Variants in ST6GALNAC3 observed in about 807,000 individuals in gnomAD.
ST6GALNAC3 encodes ST6 N-acetylgalactosaminide alpha-2,6-sialyltransferase 3.
In ST6GALNAC3, 25 loss-of-function variants were observed where a neutral mutation model predicts 32.7. The ratio of observed to expected loss-of-function variants is 0.76; its 90% CI spans 0.56 to 1.07. The LOEUF is 1.07. Among genes scored for constraint, ST6GALNAC3 ranks in the 50% least tolerant of loss-of-function variants. ST6GALNAC3 has a pLI of 0.00. For missense variants in ST6GALNAC3, 355 were observed against 382.4 expected (o/e 0.93, Z 0.60); for synonymous variants, 129 against 133.1 (o/e 0.97, Z 0.21).
chr1:76,607,438 T>C (rs974528542), intron 3 of ST6GALNAC3, among the ~76,000 whole-genome samples: 3 of 152,140 alleles, frequency 2.0e-5, no homozygotes, highest in Admixed American at 2.0e-4. Flanking sequence ...TGTAATCATA[T>C]AATTGGTTCC....
At chr1:76,220,778 C>T (rs185268343) in intron 1 of ST6GALNAC3, among the ~76,000 whole-genome samples, 9 of 152,274 alleles carry the variant, frequency 5.9e-5, no homozygotes, top group Non-Finnish European at 1.5e-5. Context: ...GGCAGCCAGC[C>T]ATGGTGTTAT....
At chr1:76,185,371 T>A (rs1360513292) in intron 1 of ST6GALNAC3, among the ~76,000 whole-genome samples, 1 of 152,186 alleles carries the variant, frequency 6.6e-6, no homozygotes, top group Admixed American at 6.5e-5. Flanking sequence ...CATTACATTA[T>A]GTTTAATGTG....
At chr1:76,620,647 T>A (rs114086493) in intron 3 of ST6GALNAC3, among the ~76,000 whole-genome samples, 1,661 of 152,090 alleles carry the variant, frequency 0.011, 18 homozygotes, top group East Asian at 0.031. Context: ...ATCCCCGTAA[T>A]CTCATCATAT....
intron 2 of ST6GALNAC3, among the ~76,000 whole-genome samples, chr1:76,364,045 T>C (rs1014654499): frequency 2.0e-5 from 3 of 152,318 alleles, no homozygotes; most frequent in African/African-American, 7.2e-5. Context: ...TTATTGTAGA[T>C]TGTTATTCTC....
At chr1:76,561,898 C>G (rs1570276778) in intron 3 of ST6GALNAC3, among the ~76,000 whole-genome samples, 1 of 152,260 alleles carries the variant, frequency 6.6e-6, no homozygotes, top group East Asian at 1.9e-4. Flanking sequence ...GTATGAGGTC[C>G]ATACAATCTA....
chr1:76,339,767 G>A (rs1647804445), intron 2 of ST6GALNAC3, among the ~76,000 whole-genome samples: 1 of 151,930 alleles, frequency 6.6e-6, no homozygotes, highest in African/African-American at 2.4e-5. Flanking sequence ...TCTAGTGACA[G>A]GAGACTGATA....
At chr1:76,536,415 A>G (rs1401300695) in intron 3 of ST6GALNAC3, among the ~76,000 whole-genome samples, 2 of 152,090 alleles carry the variant, frequency 1.3e-5, no homozygotes, top group African/African-American at 4.8e-5. Context: ...AAGCAAACAT[A>G]TCCTTCACAT....
chr1:76,077,823 C>G (rs955265234), intron 1 of ST6GALNAC3, among the ~76,000 whole-genome samples: 1 of 152,114 alleles, frequency 6.6e-6, no homozygotes, highest in Admixed American at 6.5e-5. Flanking sequence ...GCCTTTAGCT[C>G]AAAATAATCA....
At chr1:76,531,572 T>C (rs1284574708) in intron 3 of ST6GALNAC3, among the ~76,000 whole-genome samples, 1 of 152,232 alleles carries the variant, frequency 6.6e-6, no homozygotes, top group Non-Finnish European at 1.5e-5. Flanking sequence ...AAGGTCATTT[T>C]AGGAGTAATT....
Position 76,501,994 on chromosome 1 carries a change from C to T in ST6GALNAC3, c.623+89577C>T, listed in dbSNP as rs138970920. On this transcript the variant is annotated intron_variant, in intron 3 of 4. Coordinates refer to ENST00000328299, the MANE Select transcript of ST6GALNAC3 (RefSeq NM_152996.4). ...ACGGCTGCAGCAGCATCAAGCATCACATACTCCCACAATCCACTTTCAAAG... is the reference window on the plus strand; with the variant it reads ...ACGGCTGCAGCAGCATCAAGCATCATATACTCCCACAATCCACTTTCAAAG... 2.6e-5 allele frequency among the ~76,000 whole-genome samples: 4 copies of T among 152,340 alleles called. No homozygotes were observed. In the East Asian group the frequency reaches 7.7e-4, roughly 29 times the overall value.
At chr1:76,343,638 G>C (rs1648250545) in intron 2 of ST6GALNAC3, among the ~76,000 whole-genome samples, 1 of 152,218 alleles carries the variant, frequency 6.6e-6, no homozygotes, top group South Asian at 2.1e-4. Context: ...CCCAAGGTCA[G>C]AAGAAATTCC....
intron 3 of ST6GALNAC3, among the ~76,000 whole-genome samples, chr1:76,575,490 G>C (rs1391649628): frequency 6.6e-6 from 1 of 152,078 alleles, no homozygotes; most frequent in African/African-American, 2.4e-5. Flanking sequence ...AGCAGAATAT[G>C]GGTGGATTTG....
intron 1 of ST6GALNAC3, among the ~76,000 whole-genome samples, chr1:76,190,714 T>C (rs1310868830): frequency 1.3e-5 from 2 of 152,182 alleles, no homozygotes; most frequent in Non-Finnish European, 2.9e-5. Flanking sequence ...CTCATCATTG[T>C]AAGGTAAAGC....
chr1:76,517,030 C>G (rs1001587692), intron 3 of ST6GALNAC3, among the ~76,000 whole-genome samples: 1 of 151,808 alleles, frequency 6.6e-6, no homozygotes, highest in African/African-American at 2.4e-5. Flanking sequence ...TCTGGTGAGA[C>G]AGATTCCAAT....
At chr1:76,175,149 T>C (rs995787886) in intron 1 of ST6GALNAC3, among the ~76,000 whole-genome samples, 8 of 152,192 alleles carry the variant, frequency 5.3e-5, no homozygotes, top group African/African-American at 1.9e-4. Flanking sequence ...ATCCTTTGTA[T>C]AGCTCTTAGT....
Position 76,397,936 on chromosome 1 carries a change from T to C in ST6GALNAC3, c.214-14072T>C, listed in dbSNP as rs902104909. ...TTGCAAGGAGAACTACTGTGTCATC[T>C]GTAAATAATGATTTTTTTTCTTCTC... On this transcript the variant is annotated intron_variant, in intron 2 of 4. Coordinates refer to ENST00000328299, the MANE Select transcript of ST6GALNAC3 (RefSeq NM_152996.4). 4.6e-5 allele frequency among the ~76,000 whole-genome samples: 7 copies of C among 150,610 alleles called. No homozygotes were observed. The East Asian group carries it at 1.4e-3, about 29-fold the overall frequency.
chr1:76,595,656 A>G (rs1397035326), intron 3 of ST6GALNAC3, among the ~76,000 whole-genome samples: 1 of 148,896 alleles, frequency 6.7e-6, no homozygotes, highest in Non-Finnish European at 1.5e-5. Context: ...TTTTCAATGC[A>G]CTGTCAATAA....
intron 1 of ST6GALNAC3, among the ~76,000 whole-genome samples, chr1:76,190,059 C>A (rs530989240): frequency 4.0e-5 from 6 of 151,504 alleles, no homozygotes; most frequent in African/African-American, 1.5e-4. Context: ...GAGTTTAACC[C>A]CTCATTTTAA....
At position 76,465,908 on chromosome 1, in the gene ST6GALNAC3, A is replaced by G. The variant is rs544079034; in HGVS notation, c.623+53491A>G. ...CTCTCAGATTATTTTCTTTAACAGA[A>G]TTGTTGGAAAGTTGGCTGTTACCTG... On this transcript the variant is annotated intron_variant, in intron 3 of 4. Transcript: ENST00000328299. Among the ~76,000 whole-genome samples the G allele has an allele frequency of 6.6e-5, 10 of 152,172 alleles. No individual in the cohort carries two copies. In the South Asian group the frequency reaches 1.7e-3, roughly 25 times the overall value.
Sources: gnomAD v4.1 joint callset for allele counts (sites outside exome capture counted in the v4.1 genomes callset) on GRCh38, gnomAD v4.1.1 for gene constraint, MANE v1.5 for transcripts, NCBI Gene and HGNC (gene_info 2026-07-23, HGNC 2026-07-21) for gene names.